Variants in ABLIM2 observed in about 807,000 individuals in gnomAD.
ABLIM2 encodes actin binding LIM protein family member 2.
Under a neutral mutation model 97.7 loss-of-function variants are expected in ABLIM2, and 53 were observed. The observed-to-expected ratio is 0.54, with a 90% confidence interval of 0.44 to 0.68. The LOEUF (loss-of-function observed/expected upper bound fraction) is 0.68. Ranked by LOEUF, ABLIM2 falls within the 30% of genes least tolerant of loss-of-function variation. The pLI, the probability that ABLIM2 is intolerant of heterozygous loss-of-function variation, is 0.00. For synonymous variants in ABLIM2, 361 were observed against 345.8 expected (o/e 1.04, Z -0.49); for missense variants, 835 against 867.2 (o/e 0.96, Z 0.47).
rs1042410245 is a variant in ABLIM2 at position 8,124,507 on chromosome 4, T to C, written c.11-17870A>G. ...ATTTCATGCGAACGGAATCCCACAC[T>C]GCGTGGTCCTTCGCGACTGGCTTCT... On this transcript the variant is annotated intron_variant, in intron 1 of 20. Transcript: ENST00000447017. The surrounding 1 kb of genome is among the most constrained non-coding windows in gnomAD (Gnocchi z 6.1). Among the ~76,000 whole-genome samples, 1 of 152,230 alleles carries C rather than the reference T, an allele frequency of 6.6e-6. No individual in the cohort carries two copies. The highest frequency in any genetic ancestry group is 2.4e-5 in the African/African-American group (1 of 41,458).
Position 8,004,368 on chromosome 4 carries a change from C to T in ABLIM2, c.1618+3691G>A, listed in dbSNP as rs547580294. 1.3e-5 allele frequency among the ~76,000 whole-genome samples: 2 copies of T among 152,304 alleles called. No individual in the cohort carries two copies. The highest frequency in any genetic ancestry group is 2.1e-4 in the South Asian group (1 of 4,828). On this transcript the variant is annotated intron_variant, in intron 16 of 20. Transcript: ENST00000447017. This position sits in a 1 kb window ranked among gnomAD's most constrained non-coding sequence, Gnocchi z 5.9. ...AGCAGTTAATTCAGAGCTTTCCTCA[C>T]CCCCACTCCCACCTGGCCAGACCAC...
chr4:8,103,909 A>T (rs576335028), intron 2 of ABLIM2, among the ~76,000 whole-genome samples: 247 of 152,340 alleles, frequency 1.6e-3, no homozygotes, highest in African/African-American at 5.8e-3. Flanking sequence ...TTGTCTTTTA[A>T]AATAGGCTTT....
At position 8,085,492 on chromosome 4, in the gene ABLIM2, C is replaced by T. The variant is rs1333015646; in HGVS notation, c.454+2677G>A. Among the ~76,000 whole-genome samples, 4 of 151,638 alleles carry T rather than the reference C, an allele frequency of 2.6e-5. No homozygotes were observed. The highest frequency in any genetic ancestry group is 2.1e-4 in the South Asian group (1 of 4,804). ...ACTCACACGGGTCTGGGGGTGCCCA[C>T]GCTGCAGTCCCGTCCACTCACACGG... On this transcript the variant is annotated intron_variant, in intron 4 of 20. Coordinates refer to ENST00000447017, the MANE Select transcript of ABLIM2 (RefSeq NM_001130083.2). This position sits in a 1 kb window ranked among gnomAD's most constrained non-coding sequence, Gnocchi z 6.1.
chr4:8,140,841 G>T lies in ABLIM2; in HGVS notation c.10+17839C>A, dbSNP rs1217356867. On this transcript the variant is annotated intron_variant, in intron 1 of 20. Transcript: ENST00000447017. This position sits in a 1 kb window ranked among gnomAD's most constrained non-coding sequence, Gnocchi z 5.9. ...AGGGTGGGGTTCAGGGCAGGGAGGT[G>T]GCTGCCAAGAAGAGCTATGAAGAAT... 6.6e-6 allele frequency among the ~76,000 whole-genome samples: 1 copy of T among 152,126 alleles called. No individual in the cohort carries two copies. Among genetic ancestry groups the T allele is most frequent in the Non-Finnish European group, 1.5e-5 (1 of 68,024 alleles).
In ABLIM2 at chr4:8,021,655, G is replaced by C. The variant is rs1025688961; in HGVS notation, c.1268-1352C>G. 1.3e-5 allele frequency among the ~76,000 whole-genome samples: 2 copies of C among 152,264 alleles called. No homozygotes were observed. The highest frequency in any genetic ancestry group is 2.9e-5 in the Non-Finnish European group (2 of 68,044). On this transcript the variant is annotated intron_variant, in intron 12 of 20. Transcript: ENST00000447017. This position sits in a 1 kb window ranked among gnomAD's most constrained non-coding sequence, Gnocchi z 5.5. ...GGACCCCACAGTGGACTCGTGAGGA[G>C]GGCTCGACAGACACTGGCCCAGAGG...
chr4:8,110,757 CG>C (rs1561484867), intron 1 of ABLIM2, among the ~76,000 whole-genome samples: 1 of 152,136 alleles, frequency 6.6e-6, no homozygotes, highest in Non-Finnish European at 1.5e-5. Flanking sequence ...CCGAGGCGTC[CG>C]GGGGCTGCAG....
At position 8,003,561 on chromosome 4, in the gene ABLIM2, C is replaced by CTT. The variant is rs796877068; in HGVS notation, c.1618+4496_1618+4497dup. On this transcript the variant is annotated intron_variant, in intron 16 of 20. Coordinates refer to ENST00000447017, the MANE Select transcript of ABLIM2 (RefSeq NM_001130083.2). This position sits in a 1 kb window ranked among gnomAD's most constrained non-coding sequence, Gnocchi z 4.2. The stretch of plus-strand genomic sequence containing the variant: ...ACCACTACGCTCTTCTTCCAGTTTT[C>CTT]TTTTTTTTTTTTTTTTTTTTTGGAG... Among the ~76,000 whole-genome samples the CTT allele has an allele frequency of 1.8e-3, 219 of 120,144 alleles. 2 individuals are homozygous for CTT. The highest frequency in any genetic ancestry group is 4.4e-3 in the African/African-American group (145 of 33,064). The allele number at this position is 120,144 out of a possible 152,430, so 78.8% of individuals were successfully genotyped here. A position where few individuals can be genotyped will look rare whatever the true frequency, so the allele number is the denominator to read the frequency against.
At position 8,122,897 on chromosome 4, in the gene ABLIM2, T is replaced by C. The variant is rs980999713; in HGVS notation, c.11-16260A>G. Reference sequence around the variant, plus strand: ...ATGCCCCACCGCGTGGATGAGGGGATGGGAGAGGGAGAGGGGTGAGGGGCG... The same window carrying C: ...ATGCCCCACCGCGTGGATGAGGGGACGGGAGAGGGAGAGGGGTGAGGGGCG... On this transcript the variant is annotated intron_variant, in intron 1 of 20. Coordinates refer to ENST00000447017, the MANE Select transcript of ABLIM2 (RefSeq NM_001130083.2). This position sits in a 1 kb window ranked among gnomAD's most constrained non-coding sequence, Gnocchi z 4.1. 1.3e-5 allele frequency among the ~76,000 whole-genome samples: 2 copies of C among 151,902 alleles called. No homozygotes were observed. Among genetic ancestry groups the C allele is most frequent in the African/African-American group, 4.8e-5 (2 of 41,338 alleles).
At chr4:8,109,681 A>G (rs1010005443) in intron 1 of ABLIM2, among the ~76,000 whole-genome samples, 2 of 152,180 alleles carry the variant, frequency 1.3e-5, no homozygotes, top group Non-Finnish European at 2.9e-5. Flanking sequence ...GGGGTTCCAA[A>G]CAGACCAAGG....
In ABLIM2 at chr4:8,158,712, G is replaced by T. The variant is rs767653007; in HGVS notation, c.-23C>A. The stretch of plus-strand genomic sequence containing the variant: ...CATCTCAGCAGCCGCTCGGAGTCGG[G>T]GCGGCCCGGCGCTGCGACAGCCAGA... On this transcript the variant is annotated 5_prime_UTR_variant, in exon 1 of 21. Transcript: ENST00000447017. 4.1e-6 allele frequency: 6 copies of T among 1,447,332 alleles called. No individual in the cohort carries two copies. In the East Asian group the frequency reaches 1.8e-4, roughly 44 times the overall value. The allele number at this position is 1,447,332 out of a possible 1,614,324, so 89.7% of individuals were successfully genotyped here. A position where few individuals can be genotyped will look rare whatever the true frequency, so the allele number is the denominator to read the frequency against.
At chr4:8,137,738 C>T (rs1850387792) in intron 1 of ABLIM2, among the ~76,000 whole-genome samples, 1 of 152,226 alleles carries the variant, frequency 6.6e-6, no homozygotes, top group Admixed American at 6.5e-5. Context: ...ATGGTGCAGC[C>T]ACTGTGGAAA....
At chr4:8,152,635 C>T (rs934400621) in intron 1 of ABLIM2, among the ~76,000 whole-genome samples, 2 of 152,242 alleles carry the variant, frequency 1.3e-5, no homozygotes, top group African/African-American at 4.8e-5. Context: ...GAGGTCTGCT[C>T]TTTCGGGGCT....
chr4:7,992,729 G>T lies in ABLIM2; in HGVS notation c.1680+137C>A. 1 of 889,268 alleles carries T rather than the reference G, an allele frequency of 1.1e-6. No homozygotes were observed. Among genetic ancestry groups the T allele is most frequent in the South Asian group, 1.5e-5 (1 of 66,048 alleles). 55.1% of individuals were successfully genotyped at this position (889,268 alleles called of 1,614,324 possible). A position where few individuals can be genotyped will look rare whatever the true frequency, so the allele number is the denominator to read the frequency against. ...GGTGGCAGTGGCAGCCCCTGGGAAG[G>T]GCATCAGGCAGAGGCAGGTGGGCCG... is the stretch of plus-strand genomic sequence containing the variant. On this transcript the variant is annotated intron_variant, in intron 17 of 20. Coordinates refer to ENST00000447017, the MANE Select transcript of ABLIM2 (RefSeq NM_001130083.2). The surrounding 1 kb of genome is among the most constrained non-coding windows in gnomAD (Gnocchi z 5.7).
rs764767567 is a variant in ABLIM2, at chr4:8,072,269, G to A, written c.675+5359C>T. On this transcript the variant is annotated intron_variant, in intron 6 of 20. Coordinates refer to ENST00000447017, the MANE Select transcript of ABLIM2 (RefSeq NM_001130083.2). This position sits in a 1 kb window ranked among gnomAD's most constrained non-coding sequence, Gnocchi z 5.8. Reference sequence around the variant, plus strand: ...TCTGTATTTGGCATTAAATATCAGGGATGCTTACATTGCAGACATGGGACG... The same window carrying A: ...TCTGTATTTGGCATTAAATATCAGGAATGCTTACATTGCAGACATGGGACG... 2.0e-5 allele frequency among the ~76,000 whole-genome samples: 3 copies of A among 152,200 alleles called. No individual in the cohort carries two copies. The highest frequency in any genetic ancestry group is 4.4e-5 in the Non-Finnish European group (3 of 68,042).
At position 7,992,136 on chromosome 4, in the gene ABLIM2, C is replaced by T. The variant is rs943365296; in HGVS notation, c.1680+730G>A. Among the ~76,000 whole-genome samples the T allele has an allele frequency of 2.0e-5, 3 of 152,104 alleles. No homozygotes were observed. Among genetic ancestry groups the T allele is most frequent in the Admixed American group, 1.3e-4 (2 of 15,276 alleles). ...AGCAAGCCTGCCCCACCCTAAGGAT[C>T]CTCACTGGGGACCCCTGTGACGCTG... is the stretch of plus-strand genomic sequence containing the variant. On this transcript the variant is annotated intron_variant, in intron 17 of 20. Coordinates refer to ENST00000447017, the MANE Select transcript of ABLIM2 (RefSeq NM_001130083.2). This position sits in a 1 kb window ranked among gnomAD's most constrained non-coding sequence, Gnocchi z 5.7.
At position 8,148,331 on chromosome 4, in the gene ABLIM2, C is replaced by T. The variant is rs1487315693; in HGVS notation, c.10+10349G>A. On this transcript the variant is annotated intron_variant, in intron 1 of 20. Coordinates refer to ENST00000447017, the MANE Select transcript of ABLIM2 (RefSeq NM_001130083.2). The surrounding 1 kb of genome is among the most constrained non-coding windows in gnomAD (Gnocchi z 6.7). ...TGACCTAAGCAGCACTGTGGGCCTG[C>T]GGAGGCCTCCCCACTGGATTCCAGA... Among the ~76,000 whole-genome samples, 1 of 152,140 alleles carries T rather than the reference C, an allele frequency of 6.6e-6. No homozygotes were observed. The highest frequency in any genetic ancestry group is 2.4e-5 in the African/African-American group (1 of 41,434).
chr4:8,008,193 C>A lies in ABLIM2; in HGVS notation c.1484G>T (p.Ser495Ile), dbSNP rs1762621815. Residue 495 changes from serine (S) to isoleucine (I), a missense_variant, in exon 16 of 21, where the codon AGC becomes ATC. Physicochemically the swap from Ser to Ile is moderately radical, Grantham distance 142. Transcript: ENST00000447017. Reference protein sequence around the residue: ...SLDQDNRKQKSSWLMLKGDAD... With the variant: ...SLDQDNRKQKISWLMLKGDAD... Reference sequence around the variant, plus strand: ...ATCCCCCTTGAGCATCAGCCAGCTGCTCTTCTGCTGAAGGTAAAAAACAAA... The same window carrying A: ...ATCCCCCTTGAGCATCAGCCAGCTGATCTTCTGCTGAAGGTAAAAAACAAA... 1 of 1,612,922 alleles carries A rather than the reference C, an allele frequency of 6.2e-7. No homozygotes were observed. Among genetic ancestry groups the A allele is most frequent in the Non-Finnish European group, 8.5e-7 (1 of 1,179,184 alleles).
At position 8,077,687 on chromosome 4, in the gene ABLIM2, C is replaced by G; in HGVS notation, c.616G>C (p.Ala206Pro). The change falls in exon 6 of 21, where the codon GCC becomes CCC. Residue 206 changes from alanine (A) to proline (P), a missense_variant. Physicochemically the swap from Ala to Pro is conservative, Grantham distance 27. Coordinates refer to ENST00000447017, the MANE Select transcript of ABLIM2 (RefSeq NM_001130083.2). ...CTGTCACAGCGGATGCCGAACTTGG[C>G]GTGATAGTCAGCTTCGCAGTAGGGC... Reference protein sequence around the residue: ...GLPYCEADYHAKFGIRCDSCE... With the variant: ...GLPYCEADYHPKFGIRCDSCE... 1 of 1,613,014 alleles carries G rather than the reference C, an allele frequency of 6.2e-7. No homozygotes were observed. The highest frequency in any genetic ancestry group is 8.5e-7 in the Non-Finnish European group (1 of 1,179,402).
Position 8,124,342 on chromosome 4 carries a change from C to T in ABLIM2, c.11-17705G>A, listed in dbSNP as rs574598323. ...TGGCTTTTGGTATTTCACAGAGCTG[C>T]GTGCTGATCACCATAATCCATTTTA... On this transcript the variant is annotated intron_variant, in intron 1 of 20. Coordinates refer to ENST00000447017, the MANE Select transcript of ABLIM2 (RefSeq NM_001130083.2). The surrounding 1 kb of genome is among the most constrained non-coding windows in gnomAD (Gnocchi z 6.1). Among the ~76,000 whole-genome samples, 6 of 152,306 alleles carry T rather than the reference C, an allele frequency of 3.9e-5. No homozygotes were observed. Among genetic ancestry groups the T allele is most frequent in the South Asian group, 2.1e-4 (1 of 4,824 alleles).
Sources: gnomAD v4.1 joint callset for allele counts (sites outside exome capture counted in the v4.1 genomes callset) on GRCh38, gnomAD v4.1.1 for gene constraint, Gnocchi (gnomAD v3.1) non-coding constraint, MANE v1.5 for transcripts, NCBI Gene and HGNC (gene_info 2026-07-23, HGNC 2026-07-21) for gene names.